The following PGM3 variants were observed in gnomAD, a reference collection of about 807,000 sequenced individuals.
The protein encoded by PGM3 is phosphoglucomutase 3.
PGM3 carries 40 observed loss-of-function variants against 66.2 expected under a neutral mutation model. That is an observed-to-expected ratio of 0.60 (90% CI 0.47 to 0.79). The LOEUF (loss-of-function observed/expected upper bound fraction) is 0.79. PGM3 is among the 30% of genes least tolerant of loss of function. PGM3 has a pLI of 0.00. For missense variants in PGM3, 537 were observed against 643.4 expected, an observed-to-expected ratio of 0.83 and a Z score of 1.79; for synonymous variants, 191 against 224.2, an observed-to-expected ratio of 0.85 and a Z score of 1.32.
chr6:83,155,885 T>TA, the PGM3 span: 15 of 1,549,210 alleles, frequency 9.7e-6, no homozygotes, highest in Non-Finnish European at 1.2e-5. Context: ...CTAGCTATTT[T>TA]AAAAAACAAC....
At chr6:83,150,376 C>G in the PGM3 span, among the ~76,000 whole-genome samples, 1 of 119,588 alleles carries the variant, frequency 8.4e-6, no homozygotes, top group East Asian at 2.4e-4. Flanking sequence ...TTGTTGTGAT[C>G]TGTAGCTGTT....
downstream of PGM3, chr6:83,158,417 GT>G (rs60654740): frequency 5.8e-3 from 3,957 of 680,402 alleles, 122 homozygotes; most frequent in African/African-American, 0.064. Context: ...TAAATTTGCA[GT>G]TTTACCTTCA....
At chr6:83,159,658 C>T, downstream of PGM3, 1 of 931,600 alleles carries the variant, frequency 1.1e-6, no homozygotes, top group Non-Finnish European at 1.7e-6. Context: ...GACATTTCAT[C>T]ATGACCTTGC....
At chr6:83,171,733 C>G (rs149431582) in intron 11 of PGM3, among the ~76,000 whole-genome samples, 1 of 152,134 alleles carries the variant, frequency 6.6e-6, no homozygotes, top group Non-Finnish European at 1.5e-5. Flanking sequence ...ATGATCCGCC[C>G]GCTTTGGCCT....
At chr6:83,149,889 A>T in the PGM3 span, among the ~76,000 whole-genome samples, 1 of 152,122 alleles carries the variant, frequency 6.6e-6, no homozygotes, top group Non-Finnish European at 1.5e-5. Flanking sequence ...ACCTACAGAG[A>T]GGTTAAGGAA....
chr6:83,162,696 G>GT (rs1784510756), downstream of PGM3: 13 of 1,375,178 alleles, frequency 9.5e-6, no homozygotes, highest in East Asian at 2.8e-4. Flanking sequence ...TTTATAAGCA[G>GT]TGGGGTCATG....
At chr6:83,191,958 CAAAAAAAAA>C (rs1219337174) in intron 1 of PGM3, among the ~76,000 whole-genome samples, 16 of 39,364 alleles carry the variant, frequency 4.1e-4, no homozygotes, top group African/African-American at 7.1e-4. Flanking sequence ...GACTCGGTCT[CAAAAAAAAA>C]AAAAAAAAAA....
At chr6:83,190,727 G>A (rs997816771) in intron 2 of PGM3, 82 bp downstream of exon 2, 11 of 1,075,478 alleles carry the variant, frequency 1.0e-5, no homozygotes, top group Non-Finnish European at 1.6e-5. Flanking sequence ...ATTAGAATTT[G>A]TACTTTAGGT....
Position 83,168,629 on chromosome 6 carries a change from G to A in PGM3, c.*605C>T. 2.0e-6 allele frequency: 2 copies of A among 996,076 alleles called. No individual in the cohort carries two copies. Among genetic ancestry groups the A allele is most frequent in the African/African-American group, 1.7e-5 (1 of 57,382 alleles). 61.7% of individuals were successfully genotyped at this position (996,076 alleles called of 1,614,324 possible). A position where few individuals can be genotyped will look rare whatever the true frequency, so the allele number is the denominator to read the frequency against. On this transcript the variant is annotated 3_prime_UTR_variant, in exon 13 of 13. Transcript: ENST00000513973. Reference sequence around the variant, plus strand: ...CCCACATACCTTCACCAAGAGCAGTGAAGAATAACTGAAGGCTGGACCATG... The same window carrying A: ...CCCACATACCTTCACCAAGAGCAGTAAAGAATAACTGAAGGCTGGACCATG...
At chr6:83,161,151 G>A (rs1010139340), downstream of PGM3, 2 of 152,084 alleles carry the variant, frequency 1.3e-5, no homozygotes, top group Non-Finnish European at 2.9e-5. Context: ...TGCTTTTGGA[G>A]GGACATGAAA....
chr6:83,177,060 T>C (rs1190769971), intron 8 of PGM3, among the ~76,000 whole-genome samples: 3 of 152,156 alleles, frequency 2.0e-5, no homozygotes, highest in Admixed American at 6.6e-5. Context: ...GAACATCACA[T>C]GAAAATTCAG....
In PGM3 at chr6:83,166,828, A is replaced by G; in HGVS notation, c.*2406T>C. The G allele has an allele frequency of 4.9e-6, 5 of 1,010,434 alleles. No homozygotes were observed. Among genetic ancestry groups the G allele is most frequent in the Non-Finnish European group, 5.9e-6 (5 of 846,970 alleles). 62.6% of individuals were successfully genotyped at this position (1,010,434 alleles called of 1,614,324 possible). A position where few individuals can be genotyped will look rare whatever the true frequency, so the allele number is the denominator to read the frequency against. ...ATTAGGTAAACAATGAAAGTTTCTG[A>G]GCAACATCTGATCTTAGAAGGCAAA... is the stretch of plus-strand genomic sequence containing the variant. On this transcript the variant is annotated 3_prime_UTR_variant, in exon 13 of 13. Transcript: ENST00000513973.
intron 1 of PGM3, among the ~76,000 whole-genome samples, chr6:83,192,855 T>C (rs574075178): frequency 1.3e-5 from 2 of 152,258 alleles, no homozygotes; most frequent in South Asian, 2.1e-4. Context: ...CTACTCTCCA[T>C]TCAATCTTCA....
At chr6:83,172,177 C>CTGAG (rs1787270665) in intron 10 of PGM3, 118 bp from the exon 11 acceptor site, 1 of 971,436 alleles carries the variant, frequency 1.0e-6, no homozygotes, top group African/African-American at 1.6e-5. Flanking sequence ...CTGAAACATG[C>CTGAG]TGAGTGCCAA....
Position 83,165,761 on chromosome 6 carries a change from C to T in PGM3, c.*3473G>A, listed in dbSNP as rs1036232840. The stretch of plus-strand genomic sequence containing the variant: ...AGCCCAATTAGTTCAATTTTCGAAG[C>T]GTTGGTTGTGCAACGTGCGGCCCAG... On this transcript the variant is annotated 3_prime_UTR_variant, in exon 13 of 13. Coordinates refer to ENST00000513973, the MANE Select transcript of PGM3 (RefSeq NM_015599.3). 2 of 241,296 alleles carry T rather than the reference C, an allele frequency of 8.3e-6. No homozygotes were observed. Among genetic ancestry groups the T allele is most frequent in the East Asian group, 1.2e-4 (1 of 8,498 alleles). 14.9% of individuals were successfully genotyped at this position (241,296 alleles called of 1,614,324 possible). A position where few individuals can be genotyped will look rare whatever the true frequency, so the allele number is the denominator to read the frequency against.
chr6:83,153,148 T>C, the PGM3 span, among the ~76,000 whole-genome samples: 1 of 130,510 alleles, frequency 7.7e-6, no homozygotes, highest in African/African-American at 3.6e-5. Context: ...CCCAGTTCAA[T>C]TGTTTGTTTT....
In PGM3 at chr6:83,180,702, C is replaced by G. The variant is rs1250361415; in HGVS notation, c.788-735G>C. Among the ~76,000 whole-genome samples the G allele has an allele frequency of 5.9e-5, 9 of 152,094 alleles. No individual in the cohort carries two copies. The South Asian group carries it at 1.2e-3, about 21-fold the overall frequency. On this transcript the variant is annotated intron_variant, in intron 6 of 12. Coordinates refer to ENST00000513973, the MANE Select transcript of PGM3 (RefSeq NM_015599.3). Reference sequence around the variant, plus strand: ...GCCTAGAGCATAGAGAGTAAGAGCTCAGTATTTAAGAAATGGATAAATAAG... The same window carrying G: ...GCCTAGAGCATAGAGAGTAAGAGCTGAGTATTTAAGAAATGGATAAATAAG...
rs572751929 is a variant in PGM3, at chr6:83,168,021, C to T, written c.*1213G>A. On this transcript the variant is annotated 3_prime_UTR_variant, in exon 13 of 13. Transcript: ENST00000513973. ...CAAAGTCACAAGCCGATGTGGAGGA[C>T]ACTCAGGGAGTCCTATCCTCTACTC... The T allele has an allele frequency of 6.2e-7, 1 of 1,614,170 alleles. No homozygotes were observed. The highest frequency in any genetic ancestry group is 1.7e-5 in the Admixed American group (1 of 60,022).
At chr6:83,157,341 A>C (rs752899629), downstream of PGM3, 9 of 1,608,414 alleles carry the variant, frequency 5.6e-6, no homozygotes, top group Non-Finnish European at 6.8e-6. Context: ...TAATTCAGTC[A>C]GGTTATAAAT....
Sources: gnomAD v4.1 joint callset for allele counts (sites outside exome capture counted in the v4.1 genomes callset) on GRCh38, gnomAD v4.1.1 for gene constraint, MANE v1.5 for transcripts, NCBI Gene and HGNC (gene_info 2026-07-23, HGNC 2026-07-21) for gene names.